Variants in POU2F3 observed in about 807,000 individuals in gnomAD.
POU2F3 encodes POU domain, class 2, transcription factor 3.
Under a neutral mutation model 59.2 loss-of-function variants are expected in POU2F3, and 23 were observed. The ratio of observed to expected loss-of-function variants is 0.39; its 90% CI spans 0.28 to 0.55. The LOEUF (loss-of-function observed/expected upper bound fraction) is 0.55. Ranked by LOEUF, POU2F3 falls within the 20% of genes least tolerant of loss-of-function variation. The pLI is 0.66. For missense variants in POU2F3, 473 were observed against 544.5 expected (o/e 0.87, Z 1.31); for synonymous variants, 190 against 214.6 (o/e 0.89, Z 1.00).
chr11:120,257,872 C>A (rs926409299), intron 2 of POU2F3, among the ~76,000 whole-genome samples: 5 of 152,176 alleles, frequency 3.3e-5, no homozygotes, highest in Admixed American at 2.6e-4. Flanking sequence ...TTTTGGTGGC[C>A]AGCACATGGA....
At chr11:120,273,515 G>T (rs1301909222) in intron 3 of POU2F3, among the ~76,000 whole-genome samples, 1 of 152,180 alleles carries the variant, frequency 6.6e-6, no homozygotes, top group African/African-American at 2.4e-5. Context: ...GATGTTGAAT[G>T]CCTAGCAAAG....
At chr11:120,254,917 A>C (rs1939274449) in intron 2 of POU2F3, 1 of 152,274 alleles carries the variant, frequency 6.6e-6, no homozygotes, top group Non-Finnish European at 1.5e-5. Context: ...CTTTGTGCCA[A>C]GCCAGGAGCA....
intron 3 of POU2F3, among the ~76,000 whole-genome samples, chr11:120,289,440 A>C (rs1222583879): frequency 2.0e-5 from 3 of 152,142 alleles, no homozygotes; most frequent in Non-Finnish European, 4.4e-5. Context: ...AGGATAACTG[A>C]ACTAAAACTA....
chr11:120,317,417 G>A (rs1036196242), intron 12 of POU2F3, 53 bp downstream of exon 12: 21 of 1,602,554 alleles, frequency 1.3e-5, no homozygotes, highest in Non-Finnish European at 1.6e-5. Context: ...AGGGACATGT[G>A]AGAAGCTGAG....
Position 120,298,318 on chromosome 11 carries a change from A to G in POU2F3, c.186A>G (p.Pro62=), listed in dbSNP as rs1301501627. 1 of 1,613,672 alleles carries G rather than the reference A, an allele frequency of 6.2e-7. No homozygotes were observed. The highest frequency in any genetic ancestry group is 8.5e-7 in the Non-Finnish European group (1 of 1,179,868). ...DSLQQTLSHR[P]CHLSQGPAMM... is the part of the protein sequence containing the mutation. ...TGCAGCAGACCCTCTCCCATCGGCC[A>G]TGCCACCTGAGTCAAGGACCTGCCA... The change falls in exon 4 of 13, where the codon CCA becomes CCG. Residue 62 remains proline (P), a synonymous_variant. Transcript: ENST00000543440.
chr11:120,286,573 G>A (rs1433697811), intron 3 of POU2F3, among the ~76,000 whole-genome samples: 2 of 152,166 alleles, frequency 1.3e-5, no homozygotes, highest in Non-Finnish European at 2.9e-5. Flanking sequence ...TCCAGTACAG[G>A]AAACTCCCTC....
At chr11:120,270,849 C>T (rs937836711) in intron 3 of POU2F3, among the ~76,000 whole-genome samples, 2 of 152,194 alleles carry the variant, frequency 1.3e-5, no homozygotes, top group South Asian at 2.1e-4. Context: ...TGCACCACCA[C>T]GCTTGGCTAA....
chr11:120,245,343 C>T (rs564405963), intron 1 of POU2F3, among the ~76,000 whole-genome samples: 14 of 152,288 alleles, frequency 9.2e-5, no homozygotes, highest in South Asian at 2.1e-4. Context: ...CCTGGGCATC[C>T]GGACTGCCAA....
chr11:120,307,282 A>G (rs1235375969), intron 8 of POU2F3, among the ~76,000 whole-genome samples, 197 bp from the exon 9 acceptor site: 1 of 152,224 alleles, frequency 6.6e-6, no homozygotes, highest in Non-Finnish European at 1.5e-5. Flanking sequence ...ATGGAGGGCC[A>G]CGGAGGGCCT....
At chr11:120,250,731 T>G (rs1939061209) in intron 2 of POU2F3, among the ~76,000 whole-genome samples, 1 of 152,116 alleles carries the variant, frequency 6.6e-6, no homozygotes, top group South Asian at 2.1e-4. Flanking sequence ...ATCCCAGCAC[T>G]TTGGGAGGCC....
rs1938874243 is a variant in POU2F3 at position 120,246,378 on chromosome 11, G to C, written c.29-71G>C. ...ATTACACATTCATCTTTGTTATTTA[G>C]TTAAAGCCACATATGTCATAGCAAG... On this transcript the variant is annotated intron_variant, in intron 1 of 12. Coordinates refer to ENST00000543440, the MANE Select transcript of POU2F3 (RefSeq NM_014352.4). 14 of 1,473,732 alleles carry C rather than the reference G, an allele frequency of 9.5e-6. No individual in the cohort carries two copies. The Admixed American group carries it at 2.4e-4, about 25-fold the overall frequency. 91.3% of individuals were successfully genotyped at this position (1,473,732 alleles called of 1,614,324 possible).
chr11:120,246,610 T>C (rs1390477632), intron 2 of POU2F3, 93 bp downstream of exon 2: 19 of 1,382,304 alleles, frequency 1.4e-5, no homozygotes, highest in Non-Finnish European at 1.9e-5. Flanking sequence ...TGCTTGGTCT[T>C]TCAGCCAACC....
chr11:120,276,999 A>G (rs1438905020), intron 3 of POU2F3, among the ~76,000 whole-genome samples: 2 of 152,188 alleles, frequency 1.3e-5, no homozygotes, highest in Non-Finnish European at 2.9e-5. Flanking sequence ...AATACAAAAT[A>G]CAAAATTACA....
At chr11:120,247,729 C>T (rs757766938) in intron 2 of POU2F3, among the ~76,000 whole-genome samples, 3 of 152,202 alleles carry the variant, frequency 2.0e-5, no homozygotes, top group Non-Finnish European at 4.4e-5. Context: ...ACTTTAAACT[C>T]AGTTCAGCTA....
intron 3 of POU2F3, among the ~76,000 whole-genome samples, chr11:120,283,813 G>GTGTGTGTGTGTT (rs1940672946): frequency 6.9e-6 from 1 of 145,416 alleles, no homozygotes; most frequent in Non-Finnish European, 1.5e-5. Context: ...GTGTGTGTGT[G>GTGTGTGTGTGTT]TGTGTGTCTG....
At chr11:120,269,787 A>T (rs1289506408) in intron 3 of POU2F3, among the ~76,000 whole-genome samples, 1 of 152,190 alleles carries the variant, frequency 6.6e-6, no homozygotes, top group South Asian at 2.1e-4. Flanking sequence ...ATGAGGTTAG[A>T]CTTAGTTAGG....
intron 2 of POU2F3, among the ~76,000 whole-genome samples, chr11:120,262,218 GA>G (rs1399715075): frequency 6.6e-6 from 1 of 152,162 alleles, no homozygotes; most frequent in Admixed American, 6.5e-5. Context: ...ACAGAAAAAG[GA>G]AAAGAAACTT....
At chr11:120,312,186 C>T (rs568276958) in intron 10 of POU2F3, among the ~76,000 whole-genome samples, 2 of 152,050 alleles carry the variant, frequency 1.3e-5, no homozygotes, top group African/African-American at 2.4e-5. Context: ...TGCAATGGTG[C>T]GATCTAGGCT....
chr11:120,246,205 A>G (rs1282147216), intron 1 of POU2F3, among the ~76,000 whole-genome samples: 1 of 151,930 alleles, frequency 6.6e-6, no homozygotes, highest in Non-Finnish European at 1.5e-5. Flanking sequence ...AAGGTGAGAG[A>G]CCCTGCAGTG....
Sources: allele counts gnomAD v4.1 joint callset (sites outside exome capture counted in the v4.1 genomes callset), GRCh38; gene constraint gnomAD v4.1.1; transcripts MANE v1.5; gene names NCBI Gene and HGNC (gene_info 2026-07-23, HGNC 2026-07-21).